Variants in TRAM2 observed in about 807,000 individuals in gnomAD.
The protein encoded by TRAM2 is translocating chain-associated membrane protein 2.
Under a neutral mutation model 51.0 loss-of-function variants are expected in TRAM2, and 12 were observed. That is an observed-to-expected ratio of 0.24 (90% CI 0.15 to 0.38). The LOEUF is 0.38. Ranked by LOEUF, TRAM2 falls within the 10% of genes least tolerant of loss-of-function variation. TRAM2 has a pLI of 1.00. For synonymous variants in TRAM2, 175 were observed against 179.4 expected (o/e 0.98, Z 0.20); for missense variants, 361 against 462.0 (o/e 0.78, Z 2.00).
intron 10 of TRAM2, among the ~76,000 whole-genome samples, chr6:52,503,938 G>C (rs899675250): frequency 2.6e-5 from 4 of 152,210 alleles, no homozygotes; most frequent in African/African-American, 9.6e-5. Flanking sequence ...ACACACATAA[G>C]CCTTTGCCAA....
intron 2 of TRAM2, 116 bp from the exon 3 acceptor site, chr6:52,516,853 A>C: frequency 1.3e-6 from 1 of 767,572 alleles, no homozygotes; most frequent in Admixed American, 2.2e-5. Flanking sequence ...CGTTTGCTAT[A>C]GCCTCAGACT....
chr6:52,527,092 T>G (rs754372210), intron 2 of TRAM2, among the ~76,000 whole-genome samples: 28 of 151,520 alleles, frequency 1.8e-4, no homozygotes, highest in Non-Finnish European at 3.2e-4. Context: ...GAAAAAAAAA[T>G]TATCCAGCTG....
rs573333380 is a variant in TRAM2, at chr6:52,562,974, A to G, written c.120+13822T>C. 1.7e-3 allele frequency among the ~76,000 whole-genome samples: 257 copies of G among 152,362 alleles called. 1 individual carries two copies. Among genetic ancestry groups the G allele is most frequent in the African/African-American group, 6.0e-3 (250 of 41,592 alleles). Reference sequence around the variant, plus strand: ...TTAAAAGGACCAGTACAATTTGTCAATATCTATCAAAAATACAAATGCAGT... The same window carrying G: ...TTAAAAGGACCAGTACAATTTGTCAGTATCTATCAAAAATACAAATGCAGT... On this transcript the variant is annotated intron_variant, in intron 1 of 10. Transcript: ENST00000182527.
chr6:52,550,749 A>T (rs772262104), intron 1 of TRAM2, among the ~76,000 whole-genome samples: 2 of 152,014 alleles, frequency 1.3e-5, no homozygotes, highest in African/African-American at 2.4e-5. Flanking sequence ...ATGGGGTTTC[A>T]TCATGTTGGC....
intron 1 of TRAM2, among the ~76,000 whole-genome samples, chr6:52,555,954 A>G (rs17664850): frequency 0.2 from 30,685 of 152,200 alleles, 4,043 homozygotes; most frequent in Non-Finnish European, 0.29. Flanking sequence ...ACAACATGTA[A>G]AACGCAAAAT....
intron 2 of TRAM2, among the ~76,000 whole-genome samples, chr6:52,535,478 C>T (rs1207230330): frequency 2.0e-5 from 3 of 152,054 alleles, no homozygotes; most frequent in African/African-American, 4.8e-5. Flanking sequence ...GTCACGAGTT[C>T]GAGACCAGCC....
chr6:52,514,181 C>T (rs1766500404), intron 4 of TRAM2, among the ~76,000 whole-genome samples: 1 of 152,096 alleles, frequency 6.6e-6, no homozygotes, highest in Non-Finnish European at 1.5e-5. Flanking sequence ...GCTGGCAGGA[C>T]CTGCCGATGA....
intron 1 of TRAM2, among the ~76,000 whole-genome samples, chr6:52,548,417 G>A (rs534365222): frequency 5.3e-5 from 8 of 152,352 alleles, no homozygotes; most frequent in African/African-American, 1.9e-4. Flanking sequence ...TGAAATGCCA[G>A]GCACTGTGCT....
intron 1 of TRAM2, among the ~76,000 whole-genome samples, chr6:52,540,855 T>C (rs1174392433): frequency 6.6e-6 from 1 of 152,162 alleles, no homozygotes; most frequent in African/African-American, 2.4e-5. Flanking sequence ...AATACACTAA[T>C]GTAAAAGGAG....
At chr6:52,508,147 A>C in intron 6 of TRAM2, 87 bp downstream of exon 6, 1 of 1,243,208 alleles carries the variant, frequency 8.0e-7, no homozygotes, top group Non-Finnish European at 1.1e-6. Flanking sequence ...ATGCTTCTGG[A>C]GAAAAGGAAG....
intron 6 of TRAM2, 64 bp downstream of exon 6, chr6:52,508,170 G>C (rs1337231881): frequency 1.6e-5 from 24 of 1,465,156 alleles, no homozygotes; most frequent in Non-Finnish European, 2.3e-5. Flanking sequence ...AGGTACCCCT[G>C]GGAATAGCAG....
chr6:52,544,921 A>G (rs1767171202), intron 1 of TRAM2, among the ~76,000 whole-genome samples: 1 of 152,240 alleles, frequency 6.6e-6, no homozygotes, highest in Admixed American at 6.5e-5. Context: ...CAGTCTCCGC[A>G]TACCCCTAAG....
At chr6:52,512,679 G>T (rs937137809) in intron 4 of TRAM2, among the ~76,000 whole-genome samples, 1 of 152,168 alleles carries the variant, frequency 6.6e-6, no homozygotes, top group Non-Finnish European at 1.5e-5. Flanking sequence ...GCTAAGCAAG[G>T]CCTCAACAAG....
intron 4 of TRAM2, among the ~76,000 whole-genome samples, chr6:52,510,920 G>C (rs573895079): frequency 3.7e-4 from 57 of 152,298 alleles, no homozygotes; most frequent in Non-Finnish European, 7.8e-4. Context: ...GAAACTACAG[G>C]AGTGCAATAC....
At chr6:52,531,164 C>T (rs910980153) in intron 2 of TRAM2, among the ~76,000 whole-genome samples, 3 of 141,416 alleles carry the variant, frequency 2.1e-5, no homozygotes, top group Non-Finnish European at 3.0e-5. Flanking sequence ...GAGTAGAGTA[C>T]GATCTAAGGA....
intron 2 of TRAM2, 81 bp from the exon 3 acceptor site, chr6:52,516,818 G>A: frequency 9.4e-7 from 1 of 1,062,818 alleles, no homozygotes; most frequent in Non-Finnish European, 1.5e-6. Flanking sequence ...GAGATGGGAG[G>A]CGAAATGCGC....
intron 2 of TRAM2, chr6:52,522,952 T>G (rs968664022): frequency 2.8e-6 from 2 of 702,044 alleles, no homozygotes; most frequent in African/African-American, 3.5e-5. Flanking sequence ...CACTGTGCGG[T>G]CTCTGACCTC....
At chr6:52,566,258 C>T (rs957703677) in intron 1 of TRAM2, among the ~76,000 whole-genome samples, 1 of 152,064 alleles carries the variant, frequency 6.6e-6, no homozygotes. Context: ...TGTCCTTGCC[C>T]GCCCCACCAC....
At chr6:52,569,123 G>A (rs550297119) in intron 1 of TRAM2, among the ~76,000 whole-genome samples, 3 of 152,162 alleles carry the variant, frequency 2.0e-5, no homozygotes, top group Non-Finnish European at 4.4e-5. Context: ...GGCCAGGCAC[G>A]GTGGCTCATG....
Sources: allele counts gnomAD v4.1 joint callset (sites outside exome capture counted in the v4.1 genomes callset), GRCh38; gene constraint gnomAD v4.1.1; transcripts MANE v1.5; gene names NCBI Gene and HGNC (gene_info 2026-07-23, HGNC 2026-07-21).